Variants in PCDHGA3 observed in about 807,000 individuals in gnomAD.
PCDHGA3 encodes the protein protocadherin gamma-A3.
PCDHGA3 carries 40 observed loss-of-function variants against 58.5 expected under a neutral mutation model. The ratio of observed to expected loss-of-function variants is 0.68; its 90% CI spans 0.53 to 0.89. PCDHGA3 has a LOEUF of 0.89. Among genes scored for constraint, PCDHGA3 ranks in the 40% least tolerant of loss-of-function variants. The pLI is 0.00. For missense variants in PCDHGA3, 1,223 were observed against 1,195.9 expected (o/e 1.02, Z -0.33); for synonymous variants, 530 against 525.7 (o/e 1.01, Z -0.11).
In PCDHGA3 at chr5:141,344,341, T is replaced by C; in HGVS notation, c.308T>C (p.Leu103Pro). The C allele has an allele frequency of 6.2e-7, 1 of 1,613,984 alleles. No individual in the cohort carries two copies. The highest frequency in any genetic ancestry group is 8.5e-7 in the Non-Finnish European group (1 of 1,179,898). The change falls in exon 1 of 4, where the codon CTG (leucine) becomes CCG (proline). Residue 103 changes from leucine to proline, a missense_variant. Around this residue, in one of 3 missense-constraint regions of PCDHGA3, gnomAD observed 791 missense variants for 708.5 expected, o/e 1.12. Coordinates refer to ENST00000253812, the MANE Select transcript of PCDHGA3 (RefSeq NM_018916.4). ...EELCAQIPLC[L>P]VKINILVEDK... ...CTCTGCGCTCAGATCCCGCTGTGTC[T>C]GGTAAAAATTAACATTCTGGTTGAG...
At chr5:141,419,116 C>A in intron 1 of PCDHGA3, 2 of 1,613,888 alleles carry the variant, frequency 1.2e-6, no homozygotes. Context: ...CAGAGTACAA[C>A]GTCACCATCG....
intron 1 of PCDHGA3, chr5:141,441,802 T>C (rs2098274220): frequency 2.6e-6 from 1 of 382,538 alleles, no homozygotes; most frequent in South Asian, 2.1e-5. Flanking sequence ...GCACCGCGGG[T>C]GCTGTACCCC....
intron 1 of PCDHGA3, among the ~76,000 whole-genome samples, chr5:141,433,747 G>A (rs566709728): frequency 1.3e-5 from 2 of 150,990 alleles, no homozygotes; most frequent in East Asian, 4.0e-4. Context: ...TGAGTCAGGA[G>A]AATTGCTTTA....
chr5:141,427,751 C>G (rs778043340), intron 1 of PCDHGA3: 6 of 1,306,076 alleles, frequency 4.6e-6, no homozygotes, highest in Non-Finnish European at 6.6e-6. Context: ...CCTACTCCAT[C>G]GTTACCACTG....
At chr5:141,471,590 T>C (rs2099260583) in intron 1 of PCDHGA3, 1 of 152,120 alleles carries the variant, frequency 6.6e-6, no homozygotes. Flanking sequence ...AAGTAATTGA[T>C]AGTTTCAAAA....
intron 1 of PCDHGA3, chr5:141,352,343 A>G (rs1758986738): frequency 6.2e-7 from 1 of 1,613,780 alleles, no homozygotes; most frequent in Non-Finnish European, 8.5e-7. Context: ...CTTGGCCTTG[A>G]TCTCAGTGCT....
chr5:141,409,023 A>C, intron 1 of PCDHGA3: 1 of 1,614,044 alleles, frequency 6.2e-7, no homozygotes, highest in Non-Finnish European at 8.5e-7. Flanking sequence ...GAGGGGGTCA[A>C]TGCTGAGATA....
In PCDHGA3 at chr5:141,511,925, G is replaced by C. The variant is rs2099884008; in HGVS notation, c.*752G>C. 1 of 155,320 alleles carries C rather than the reference G, an allele frequency of 6.4e-6. No homozygotes were observed. Among genetic ancestry groups the C allele is most frequent in the Admixed American group, 6.3e-5 (1 of 15,924 alleles). 9.6% of individuals were successfully genotyped at this position (155,320 alleles called of 1,614,324 possible). A position where few individuals can be genotyped will look rare whatever the true frequency, so the allele number is the denominator to read the frequency against. ...CCTCAAACAAGAGACTCCACTGCAT[G>C]TTCCAAGACAGTATGGGGTGGTAAG... On this transcript the variant is annotated 3_prime_UTR_variant, in exon 4 of 4. Coordinates refer to ENST00000253812, the MANE Select transcript of PCDHGA3 (RefSeq NM_018916.4).
At chr5:141,459,831 G>A (rs907978430) in intron 1 of PCDHGA3, among the ~76,000 whole-genome samples, 1 of 152,150 alleles carries the variant, frequency 6.6e-6, no homozygotes, top group Admixed American at 6.6e-5. Context: ...CTTTTCATGT[G>A]TTGTCTATTT....
intron 1 of PCDHGA3, among the ~76,000 whole-genome samples, chr5:141,464,404 T>G (rs1224596546): frequency 6.6e-6 from 1 of 151,532 alleles, no homozygotes; most frequent in African/African-American, 2.4e-5. Flanking sequence ...GAACCTGAGA[T>G]ATATATATAT....
chr5:141,396,295 AG>A (rs1561657375), intron 1 of PCDHGA3: 1 of 151,978 alleles, frequency 6.6e-6, no homozygotes, highest in African/African-American at 2.4e-5. Flanking sequence ...ACTCCAGCCT[AG>A]GTGGCAGAAC....
Position 141,344,299 on chromosome 5 carries a change from G to C in PCDHGA3, c.266G>C (p.Arg89Thr). 6.2e-7 allele frequency: 1 copy of C among 1,614,080 alleles called. No individual in the cohort carries two copies. The highest frequency in any genetic ancestry group is 8.5e-7 in the Non-Finnish European group (1 of 1,179,936). The change falls in exon 1 of 4, where the codon AGG becomes ACG. Residue 89 changes from arginine to threonine, a missense_variant. Around this residue, in one of 3 missense-constraint regions of PCDHGA3, gnomAD observed 791 missense variants for 708.5 expected, o/e 1.12. Transcript: ENST00000253812. ...PQSGSLVTAE[R>T]IDREELCAQI... ...AGCGGCAGCTTGGTCACCGCGGAGAGGATAGACCGGGAGGAGCTCTGCGCT... is the reference window on the plus strand; with the variant it reads ...AGCGGCAGCTTGGTCACCGCGGAGACGATAGACCGGGAGGAGCTCTGCGCT...
rs1199721120 is a variant in PCDHGA3 at position 141,344,770 on chromosome 5, A to C, written c.737A>C (p.Glu246Ala). 1 of 1,613,984 alleles carries C rather than the reference A, an allele frequency of 6.2e-7. No homozygotes were observed. Among genetic ancestry groups the C allele is most frequent in the Non-Finnish European group, 8.5e-7 (1 of 1,179,898 alleles). ...NDNPPMFTQP[E>A]YRVSVWENVP... ...AACCCACCAATGTTTACTCAGCCTG[A>C]GTACCGTGTGAGTGTTTGGGAGAAC... The change falls in exon 1 of 4, where the codon GAG (glutamate) becomes GCG (alanine). Residue 246 changes from glutamate to alanine, a missense_variant. Coordinates refer to ENST00000253812, the MANE Select transcript of PCDHGA3 (RefSeq NM_018916.4).
In PCDHGA3 at chr5:141,410,321, G is replaced by A. The variant is rs749017304; in HGVS notation, c.2424+63864G>A. ...AATCTCAGTGCTCTTCCTCCTCGCC[G>A]TGATTCTGGCCATTGCCTTGCGCCT... On this transcript the variant is annotated intron_variant, in intron 1 of 3. Transcript: ENST00000253812. The A allele has an allele frequency of 3.7e-6, 6 of 1,613,842 alleles. No homozygotes were observed. The East Asian group carries it at 1.1e-4, about 30-fold the overall frequency.
chr5:141,416,452 A>T (rs2154546483), intron 1 of PCDHGA3: 1 of 152,342 alleles, frequency 6.6e-6, no homozygotes, highest in African/African-American at 2.4e-5. Flanking sequence ...ATGGGTTGGG[A>T]AGACAGATAA....
chr5:141,495,005 C>A, intron 2 of PCDHGA3, 140 bp downstream of exon 2: 1 of 1,522,810 alleles, frequency 6.6e-7, no homozygotes. Context: ...TCTTGGTGTG[C>A]GGGGGGCTGG....
At chr5:141,419,471 G>A in intron 1 of PCDHGA3, 1 of 1,612,462 alleles carries the variant, frequency 6.2e-7, no homozygotes, top group Non-Finnish European at 8.5e-7. Context: ...CCGCGACCAG[G>A]GCTCGCCCGC....
rs756770023 is a variant in PCDHGA3 at position 141,383,289 on chromosome 5, T to C, written c.2424+36832T>C. ...AAATAATAGATATTAATGACAACGT[T>C]CCAAGATTCTTGACGGAAGAAATAA... On this transcript the variant is annotated intron_variant, in intron 1 of 3. Coordinates refer to ENST00000253812, the MANE Select transcript of PCDHGA3 (RefSeq NM_018916.4). The C allele has an allele frequency of 1.9e-6, 3 of 1,613,914 alleles. No individual in the cohort carries two copies. In the South Asian group the frequency reaches 3.3e-5, roughly 18 times the overall value.
intron 1 of PCDHGA3, chr5:141,364,713 A>G: frequency 6.2e-7 from 1 of 1,613,984 alleles, no homozygotes; most frequent in Non-Finnish European, 8.5e-7. Context: ...GATATTAATG[A>G]TAACTTCCCG....
Sources: allele counts gnomAD v4.1 joint callset (sites outside exome capture counted in the v4.1 genomes callset), GRCh38; gene constraint gnomAD v4.1.1; regional missense constraint gnomAD v4.1.1; transcripts MANE v1.5; gene names NCBI Gene and HGNC (gene_info 2026-07-23, HGNC 2026-07-21).